Variants in SBF2 observed in about 807,000 individuals in gnomAD.
The protein encoded by SBF2 is myotubularin-related protein 13.
A neutral mutation model predicts 225.2 loss-of-function variants in SBF2; 112 were observed. The observed-to-expected ratio is 0.50, with a 90% CI of 0.43 to 0.58. The LOEUF is 0.58. SBF2 is among the 20% of genes least tolerant of loss of function. The probability of loss-of-function intolerance (pLI) is 0.00; values close to 1 mark genes in which losing one functional copy is unlikely to be tolerated. For synonymous variants in SBF2, 763 were observed against 773.3 expected (o/e 0.99, Z 0.22); for missense variants, 1,996 against 2,206.2 (o/e 0.90, Z 1.91).
chr11:10,229,640 T>A (rs1339633074), intron 1 of SBF2, among the ~76,000 whole-genome samples: 1 of 152,234 alleles, frequency 6.6e-6, no homozygotes, highest in African/African-American at 2.4e-5. Context: ...AGTTTCTTAA[T>A]CCTGAGTTCT....
intron 1 of SBF2, among the ~76,000 whole-genome samples, chr11:10,279,374 T>C (rs1265608740): frequency 1.4e-5 from 2 of 145,954 alleles, no homozygotes; most frequent in Non-Finnish European, 1.5e-5. Context: ...GGTCGCACCA[T>C]TGCACTCCAG....
chr11:10,112,769 G>A (rs948125396), intron 2 of SBF2, among the ~76,000 whole-genome samples: 4 of 152,060 alleles, frequency 2.6e-5, no homozygotes, highest in African/African-American at 9.7e-5. Flanking sequence ...AATTATAAGT[G>A]CATTAAAGAA....
At chr11:9,975,091 G>C (rs1946626526) in intron 13 of SBF2, among the ~76,000 whole-genome samples, 1 of 151,278 alleles carries the variant, frequency 6.6e-6, no homozygotes, top group Non-Finnish European at 1.5e-5. Context: ...GTAGACACTT[G>C]AGAAAACAGT....
intron 2 of SBF2, 121 bp downstream of exon 2, chr11:10,193,781 G>A (rs1031448365): frequency 1.3e-6 from 1 of 751,576 alleles, no homozygotes; most frequent in East Asian, 2.7e-5. Context: ...TTCTAGTACT[G>A]TAATATCTTA....
intron 32 of SBF2, among the ~76,000 whole-genome samples, chr11:9,806,955 G>C (rs1853888716): frequency 6.6e-6 from 1 of 152,232 alleles, no homozygotes; most frequent in Admixed American, 6.5e-5. Flanking sequence ...AGTTGATCAA[G>C]TGATTACTAG....
At chr11:10,064,939 T>C (rs1038067766) in intron 2 of SBF2, among the ~76,000 whole-genome samples, 2 of 152,190 alleles carry the variant, frequency 1.3e-5, no homozygotes, top group Non-Finnish European at 2.9e-5. Flanking sequence ...TTGATGTTTA[T>C]AGAACACTCC....
chr11:9,950,616 C>A (rs964896518), intron 16 of SBF2, among the ~76,000 whole-genome samples: 1 of 152,122 alleles, frequency 6.6e-6, no homozygotes, highest in Non-Finnish European at 1.5e-5. Flanking sequence ...ACAATATTGA[C>A]CAGCTGTATG....
intron 24 of SBF2, among the ~76,000 whole-genome samples, chr11:9,845,030 A>G (rs1856439867): frequency 1.3e-5 from 2 of 150,336 alleles, no homozygotes; most frequent in Non-Finnish European, 2.9e-5. Context: ...AAATGGCTCA[A>G]AAAAAATATG....
At chr11:9,970,138 A>G (rs566230418) in intron 13 of SBF2, among the ~76,000 whole-genome samples, 8 of 152,252 alleles carry the variant, frequency 5.3e-5, no homozygotes, top group African/African-American at 1.9e-4. Context: ...TTGCGACCAG[A>G]AAATTCCTTA....
At chr11:9,979,891 C>A (rs1037616431) in intron 13 of SBF2, among the ~76,000 whole-genome samples, 2 of 150,932 alleles carry the variant, frequency 1.3e-5, no homozygotes, top group South Asian at 4.2e-4. Flanking sequence ...CTTACTGCAG[C>A]CTCAAACTCC....
intron 16 of SBF2, among the ~76,000 whole-genome samples, chr11:9,919,495 G>A (rs1264085443): frequency 2.0e-5 from 3 of 151,974 alleles, no homozygotes; most frequent in Non-Finnish European, 4.4e-5. Context: ...ACTCTAAGGG[G>A]GTGTGCGTGA....
At chr11:10,087,859 T>C (rs1951633769) in intron 2 of SBF2, among the ~76,000 whole-genome samples, 1 of 152,200 alleles carries the variant, frequency 6.6e-6, no homozygotes, top group Non-Finnish European at 1.5e-5. Context: ...ATATCAGCCA[T>C]GAATTGAATT....
chr11:10,237,541 A>G (rs1959122827), intron 1 of SBF2, among the ~76,000 whole-genome samples: 1 of 152,198 alleles, frequency 6.6e-6, no homozygotes, highest in African/African-American at 2.4e-5. Flanking sequence ...AGAATTACTA[A>G]TACCCCTATC....
Position 9,892,547 on chromosome 11 carries a change from A to AAT in SBF2, c.1929+3394_1929+3395dup, listed in dbSNP as rs753773750. On this transcript the variant is annotated intron_variant, in intron 17 of 39. Coordinates refer to ENST00000256190, the MANE Select transcript of SBF2 (RefSeq NM_030962.4). Reference sequence around the variant, plus strand: ...TTGTTCCTTTCTGTACTATCTGGAAAATATATATATATATATAATTTTTTT... The same window carrying AAT: ...TTGTTCCTTTCTGTACTATCTGGAAAATATATATATATATATATAATTTTTTT... Among the ~76,000 whole-genome samples, 853 of 147,764 alleles carry AAT rather than the reference A, an allele frequency of 5.8e-3. 2 individuals carry two copies. Among genetic ancestry groups the AAT allele is most frequent in the Non-Finnish European group, 8.3e-3 (550 of 66,656 alleles).
chr11:10,227,123 C>T (rs1435769759), intron 1 of SBF2, among the ~76,000 whole-genome samples: 2 of 152,058 alleles, frequency 1.3e-5, no homozygotes, highest in Non-Finnish European at 2.9e-5. Context: ...TAAATGTCTT[C>T]TTTTGAGAAG....
intron 1 of SBF2, among the ~76,000 whole-genome samples, chr11:10,236,478 G>A (rs984415730): frequency 1.3e-5 from 2 of 151,140 alleles, no homozygotes; most frequent in African/African-American, 4.9e-5. Context: ...TTGTTTTTTT[G>A]AGACGGAGTC....
At chr11:9,899,894 T>C (rs1861582706) in intron 16 of SBF2, among the ~76,000 whole-genome samples, 1 of 152,008 alleles carries the variant, frequency 6.6e-6, no homozygotes, top group Admixed American at 6.6e-5. Context: ...ATTTTTATGG[T>C]GAGGGGAGGA....
At chr11:9,940,863 G>T (rs1009521161) in intron 16 of SBF2, among the ~76,000 whole-genome samples, 2 of 151,964 alleles carry the variant, frequency 1.3e-5, no homozygotes, top group Non-Finnish European at 2.9e-5. Context: ...AGAAAGCAAA[G>T]ATACAAAGGC....
At chr11:10,270,611 A>G (rs930598571) in intron 1 of SBF2, among the ~76,000 whole-genome samples, 3 of 152,242 alleles carry the variant, frequency 2.0e-5, no homozygotes, top group African/African-American at 4.8e-5. Flanking sequence ...TCAACTGTAT[A>G]TAGAACATGG....
Sources: allele counts gnomAD v4.1 joint callset (sites outside exome capture counted in the v4.1 genomes callset), GRCh38; gene constraint gnomAD v4.1.1; transcripts MANE v1.5; gene names NCBI Gene and HGNC (gene_info 2026-07-23, HGNC 2026-07-21).